The following GREM2 variants were observed in gnomAD, a reference collection of about 807,000 sequenced individuals.
The protein encoded by GREM2 is gremlin 2, DAN family BMP antagonist, also known as gremlin-2.
In GREM2, 11 loss-of-function variants were observed where a neutral mutation model predicts 14.2. That is an observed-to-expected ratio of 0.78 (90% CI 0.49 to 1.28). GREM2 has a LOEUF of 1.28. Among genes scored for constraint, GREM2 ranks in the 50% most tolerant of loss-of-function variants. The pLI is 0.00. For missense variants in GREM2, 210 were observed against 218.5 expected (o/e 0.96, Z 0.24); for synonymous variants, 98 against 97.6 (o/e 1.00, Z -0.02).
At chr1:240,602,634 T>G (rs1278279999) in intron 1 of GREM2, among the ~76,000 whole-genome samples, 1 of 151,388 alleles carries the variant, frequency 6.6e-6, no homozygotes, top group Non-Finnish European at 1.5e-5. Context: ...CTGGCCAACA[T>G]GGTGAAACCG....
chr1:240,515,477 T>C lies in GREM2; in HGVS notation c.-1-22001A>G, dbSNP rs556986691. Among the ~76,000 whole-genome samples the C allele has an allele frequency of 3.4e-5, 5 of 145,750 alleles. No homozygotes were observed. The South Asian group carries it at 1.1e-3, about 33-fold the overall frequency. ...TCAGAATTAGATAATATCTCAGAAG[T>C]GCTTTAAGTCTCTTGGAAGTATTCT... On this transcript the variant is annotated intron_variant, in intron 1 of 1. Transcript: ENST00000318160.
intron 1 of GREM2, among the ~76,000 whole-genome samples, chr1:240,519,354 T>C (rs892213153): frequency 6.6e-6 from 1 of 151,242 alleles, no homozygotes; most frequent in Non-Finnish European, 1.5e-5. Context: ...TTTTTTTTTT[T>C]CCTTTATTTC....
At position 240,496,917 on chromosome 1, in the gene GREM2, A is replaced by G. The variant is rs200143711; in HGVS notation, c.-1-3441T>C. 3.3e-5 allele frequency among the ~76,000 whole-genome samples: 5 copies of G among 152,154 alleles called. No homozygotes were observed. In the East Asian group the frequency reaches 9.7e-4, roughly 29 times the overall value. On this transcript the variant is annotated intron_variant, in intron 1 of 1. Transcript: ENST00000318160. ...GTCCCAGTAGTCCCAGCTACTCAGG[A>G]GGGTGAGGCAGGAGAATCGCTTGAA...
intron 1 of GREM2, chr1:240,531,721 T>G (rs1257426390): frequency 6.1e-6 from 6 of 981,208 alleles, no homozygotes; most frequent in African/African-American, 1.8e-5. Flanking sequence ...CTTCTTTTTT[T>G]TTTTTTGAGA....
At chr1:240,500,551 C>A (rs966286471) in intron 1 of GREM2, among the ~76,000 whole-genome samples, 1 of 152,088 alleles carries the variant, frequency 6.6e-6, no homozygotes, top group South Asian at 2.1e-4. Context: ...GTGATCCATT[C>A]GCCTTGGCCT....
intron 1 of GREM2, among the ~76,000 whole-genome samples, chr1:240,532,932 T>G (rs567673043): frequency 2.2e-4 from 33 of 152,342 alleles, no homozygotes; most frequent in African/African-American, 7.5e-4. Flanking sequence ...CTTCAAGTCA[T>G]TTAAGTTTTC....
intron 1 of GREM2, among the ~76,000 whole-genome samples, chr1:240,575,694 T>A (rs1429835396): frequency 1.3e-5 from 2 of 151,870 alleles, no homozygotes; most frequent in African/African-American, 2.4e-5. Flanking sequence ...CTAATTTCTG[T>A]ATTTATAGTA....
chr1:240,534,461 G>A (rs184704944), intron 1 of GREM2, among the ~76,000 whole-genome samples: 2,240 of 152,068 alleles, frequency 0.015, 41 homozygotes, highest in Non-Finnish European at 0.017. Flanking sequence ...AGGCTGAGGC[G>A]GGCAGATCAC....
intron 1 of GREM2, among the ~76,000 whole-genome samples, chr1:240,529,966 G>C (rs951416293): frequency 3.3e-5 from 5 of 152,106 alleles, no homozygotes; most frequent in African/African-American, 1.2e-4. Context: ...TGAAATTCTG[G>C]TTAACATTTC....
At chr1:240,548,276 G>T (rs1395427385) in intron 1 of GREM2, among the ~76,000 whole-genome samples, 1 of 151,656 alleles carries the variant, frequency 6.6e-6, no homozygotes, top group African/African-American at 2.4e-5. Context: ...CTCTGTCTCA[G>T]AAAAATAATA....
intron 1 of GREM2, among the ~76,000 whole-genome samples, chr1:240,600,934 T>C (rs1679911508): frequency 6.6e-6 from 1 of 152,204 alleles, no homozygotes; most frequent in Admixed American, 6.5e-5. Context: ...GAGTGCTTGA[T>C]TAGCTCTTCC....
chr1:240,563,450 T>C (rs146204238), intron 1 of GREM2, among the ~76,000 whole-genome samples: 2 of 152,304 alleles, frequency 1.3e-5, no homozygotes, highest in East Asian at 1.9e-4. Flanking sequence ...TTCTGTAACA[T>C]AATGGCATAG....
chr1:240,593,998 G>A (rs1014383501), intron 1 of GREM2, among the ~76,000 whole-genome samples: 1 of 152,050 alleles, frequency 6.6e-6, no homozygotes, highest in South Asian at 2.1e-4. Flanking sequence ...CTGTTTCCTA[G>A]GCTAGAGTGC....
intron 1 of GREM2, among the ~76,000 whole-genome samples, chr1:240,544,861 CCT>C (rs1678682323): frequency 6.6e-6 from 1 of 152,168 alleles, no homozygotes. Context: ...TCTTCTCATT[CCT>C]CTAGTCTGTG....
At chr1:240,503,756 T>C (rs1459239103) in intron 1 of GREM2, among the ~76,000 whole-genome samples, 1 of 152,220 alleles carries the variant, frequency 6.6e-6, no homozygotes, top group Non-Finnish European at 1.5e-5. Context: ...CTGTTTCCTT[T>C]GTGAAACCAT....
intron 1 of GREM2, among the ~76,000 whole-genome samples, chr1:240,512,083 G>C (rs1572373099): frequency 6.6e-6 from 1 of 152,082 alleles, no homozygotes; most frequent in Non-Finnish European, 1.5e-5. Flanking sequence ...TGTTTGCTTG[G>C]GCAAATGGTT....
intron 1 of GREM2, among the ~76,000 whole-genome samples, chr1:240,538,669 G>T (rs559640596): frequency 6.6e-6 from 1 of 152,232 alleles, no homozygotes; most frequent in East Asian, 1.9e-4. Flanking sequence ...AGTGAGCCAA[G>T]ATCGTGCCAC....
intron 1 of GREM2, among the ~76,000 whole-genome samples, chr1:240,600,898 G>A (rs1225043928): frequency 6.6e-6 from 1 of 152,118 alleles, no homozygotes; most frequent in Non-Finnish European, 1.5e-5. Flanking sequence ...ATAAATAATT[G>A]TTGAATGAAT....
At chr1:240,572,566 G>T (rs1202497919) in intron 1 of GREM2, among the ~76,000 whole-genome samples, 1 of 152,146 alleles carries the variant, frequency 6.6e-6, no homozygotes, top group Non-Finnish European at 1.5e-5. Flanking sequence ...AGTCCATTTT[G>T]TCCCCTGCTG....
Sources: gnomAD v4.1 joint callset for allele counts (sites outside exome capture counted in the v4.1 genomes callset) on GRCh38, gnomAD v4.1.1 for gene constraint, MANE v1.5 for transcripts, NCBI Gene and HGNC (gene_info 2026-07-23, HGNC 2026-07-21) for gene names.